Variants in TRIO observed in about 807,000 individuals in gnomAD.
The protein encoded by TRIO is trio Rho guanine nucleotide exchange factor.
In TRIO, 58 loss-of-function variants were observed where a neutral mutation model predicts 351.9. That is an observed-to-expected ratio of 0.16 (90% CI 0.13 to 0.21). The LOEUF is 0.21. TRIO is among the 10% of genes least tolerant of loss of function. The pLI is 1.00. For synonymous variants in TRIO, 1,758 were observed against 1,595.7 expected (o/e 1.10, Z -2.42); for missense variants, 3,201 against 4,027.8 (o/e 0.79, Z 5.56).
At chr5:14,489,106 G>T in intron 48 of TRIO, 1 of 748,896 alleles carries the variant, frequency 1.3e-6, no homozygotes, top group South Asian at 1.4e-5. Flanking sequence ...GTGTATGTTT[G>T]AACGCTTTAT....
At position 14,487,782 on chromosome 5, in the gene TRIO, C is replaced by T; in HGVS notation, c.7154C>T (p.Ala2385Val). ...SLPPPGAAPE[A>V]GPSAPSRRPP... ...CCTCCCCCTGGCGCGGCCCCCGAGG[C>T]CGGCCCCAGCGCGCCCAGCAGGCGG... Residue 2385 changes from alanine (A) to valine (V), a missense_variant, in exon 48 of 57, where the codon GCC (alanine) becomes GTC (valine). Around this residue, in one of 19 missense-constraint regions of TRIO, gnomAD observed 1,089 missense variants for 954.9 expected, o/e 1.14. Transcript: ENST00000344204. 1 of 1,376,356 alleles carries T rather than the reference C, an allele frequency of 7.3e-7. No homozygotes were observed. The highest frequency in any genetic ancestry group is 9.4e-7 in the Non-Finnish European group (1 of 1,063,424). The allele number at this position is 1,376,356 out of a possible 1,614,324, so 85.3% of individuals were successfully genotyped here.
rs917396286 is a variant in TRIO at position 14,283,860 on chromosome 5, A to C, written c.348-3011A>C. ...ACTAAACGTGTGTAGGAGAAATAAG[A>C]AGCAGCAGCAGTTCTTGCTGCTGTC... On this transcript the variant is annotated intron_variant, in intron 3 of 56. Coordinates refer to ENST00000344204, the MANE Select transcript of TRIO (RefSeq NM_007118.4). Among the ~76,000 whole-genome samples the C allele has an allele frequency of 8.6e-5, 13 of 151,896 alleles. No individual in the cohort carries two copies. In the South Asian group the frequency reaches 2.7e-3, roughly 32 times the overall value.
intron 7 of TRIO, among the ~76,000 whole-genome samples, chr5:14,300,444 C>T (rs1561310392): frequency 6.6e-6 from 1 of 152,166 alleles, no homozygotes; most frequent in African/African-American, 2.4e-5. Context: ...AACATGTGGC[C>T]AATGGCTGCT....
At chr5:14,363,020 A>G (rs1305553882) in intron 13 of TRIO, among the ~76,000 whole-genome samples, 1 of 84,754 alleles carries the variant, frequency 1.2e-5, no homozygotes, top group South Asian at 3.4e-4. Context: ...TTTTTTTTTG[A>G]GACAGGGTCT....
chr5:14,312,654 A>G (rs1739030342), intron 8 of TRIO, among the ~76,000 whole-genome samples: 1 of 152,206 alleles, frequency 6.6e-6, no homozygotes. Flanking sequence ...GGAAGCTGAA[A>G]ACAGAGTTTT....
chr5:14,176,413 T>A (rs1402136676), intron 1 of TRIO, among the ~76,000 whole-genome samples: 1 of 151,892 alleles, frequency 6.6e-6, no homozygotes, highest in East Asian at 1.9e-4. Context: ...GAGCTTACAG[T>A]GAGCCGAGAT....
At chr5:14,276,052 T>G (rs1308064473) in intron 2 of TRIO, among the ~76,000 whole-genome samples, 2 of 150,080 alleles carry the variant, frequency 1.3e-5, no homozygotes, top group African/African-American at 4.9e-5. Context: ...GACATTTGTT[T>G]TTTTTTTTTC....
At chr5:14,372,953 T>C (rs1745246183) in intron 18 of TRIO, among the ~76,000 whole-genome samples, 1 of 152,188 alleles carries the variant, frequency 6.6e-6, no homozygotes, top group Admixed American at 6.5e-5. Context: ...CACAGTTCCA[T>C]AGGACAGGGG....
intron 1 of TRIO, among the ~76,000 whole-genome samples, chr5:14,214,259 G>C (rs752831002): frequency 6.6e-6 from 1 of 152,200 alleles, no homozygotes; most frequent in East Asian, 1.9e-4. Context: ...TCCATAAGCC[G>C]TGGTGTTCAT....
At position 14,316,746 on chromosome 5, in the gene TRIO, C is replaced by A; in HGVS notation, c.1731+3C>A. ...TTTTCCAGCAGGACGTTCAGCAGGT[C>A]AGTTTCGCCTCATGCCCTTCTGCAT... On this transcript the variant is annotated splice_donor_region_variant and intron_variant, in intron 9 of 56. Transcript: ENST00000344204. 1 of 1,611,688 alleles carries A rather than the reference C, an allele frequency of 6.2e-7. No homozygotes were observed. The highest frequency in any genetic ancestry group is 1.1e-5 in the South Asian group (1 of 90,650).
chr5:14,157,052 G>A (rs1788142720), intron 1 of TRIO, among the ~76,000 whole-genome samples: 1 of 152,184 alleles, frequency 6.6e-6, no homozygotes, highest in African/African-American at 2.4e-5. Context: ...GGAAAGTGTT[G>A]AGCCAGTGAG....
At chr5:14,280,580 C>T in intron 3 of TRIO, 144 bp downstream of exon 3, 3 of 722,652 alleles carry the variant, frequency 4.2e-6, no homozygotes, top group South Asian at 1.8e-5. Flanking sequence ...CACCTTATTA[C>T]CATTTTGTGA....
At chr5:14,480,145 A>G in intron 43 of TRIO, 134 bp downstream of exon 43, 1 of 770,040 alleles carries the variant, frequency 1.3e-6, no homozygotes, top group Non-Finnish European at 2.0e-6. Flanking sequence ...TGATAAGTTA[A>G]ACCTTAAAAA....
chr5:14,150,416 C>T (rs988740980), intron 1 of TRIO, among the ~76,000 whole-genome samples: 2 of 151,832 alleles, frequency 1.3e-5, no homozygotes, highest in Non-Finnish European at 2.9e-5. Context: ...GACCTTTACA[C>T]ACATGCACAC....
chr5:14,497,066 A>G lies in TRIO; in HGVS notation c.8019+49A>G. The G allele has an allele frequency of 6.2e-7, 1 of 1,602,884 alleles. No individual in the cohort carries two copies. The highest frequency in any genetic ancestry group is 8.5e-7 in the Non-Finnish European group (1 of 1,173,780). On this transcript the variant is annotated intron_variant, in intron 50 of 56. Transcript: ENST00000344204. The surrounding 1 kb of genome is among the most constrained non-coding windows in gnomAD (Gnocchi z 4.4). ...TCCGTGTCATCCCAGCATGAGAGAA[A>G]GGATCAGGGAGGGCAGAGACTCTGC...
intron 25 of TRIO, among the ~76,000 whole-genome samples, chr5:14,389,722 C>T (rs1746879400): frequency 6.6e-6 from 1 of 152,098 alleles, no homozygotes; most frequent in South Asian, 2.1e-4. Flanking sequence ...CAGTGGAGCC[C>T]CCTTGGGACT....
chr5:14,366,815 C>A, intron 15 of TRIO, 45 bp from the exon 16 acceptor site: 1 of 1,612,034 alleles, frequency 6.2e-7, no homozygotes, highest in Non-Finnish European at 8.5e-7. Flanking sequence ...CCACAGGATT[C>A]TCTGGGAAGT....
chr5:14,473,663 T>C (rs1436414591), intron 39 of TRIO, among the ~76,000 whole-genome samples: 2 of 152,244 alleles, frequency 1.3e-5, no homozygotes, highest in Non-Finnish European at 2.9e-5. Context: ...AAACAGGAGA[T>C]ATGATTCTGA....
intron 1 of TRIO, among the ~76,000 whole-genome samples, chr5:14,230,957 A>G (rs921147036): frequency 1.3e-5 from 2 of 152,198 alleles, no homozygotes; most frequent in South Asian, 2.1e-4. Context: ...TACCTTTCAC[A>G]TAGGGGTGTT....
Sources: gnomAD v4.1 joint callset for allele counts (sites outside exome capture counted in the v4.1 genomes callset) on GRCh38, gnomAD v4.1.1 for gene constraint, gnomAD v4.1.1 regional missense constraint, Gnocchi (gnomAD v3.1) non-coding constraint, MANE v1.5 for transcripts, NCBI Gene and HGNC (gene_info 2026-07-23, HGNC 2026-07-21) for gene names.